DYNLT1: variants seen among roughly 807,000 people sequenced by gnomAD.
DYNLT1 encodes the protein dynein light chain Tctex-type 1, also known as T-complex testis-specific protein 1 homolog.
In DYNLT1, 18 loss-of-function variants were observed where a neutral mutation model predicts 19.6. The ratio of observed to expected loss-of-function variants is 0.92; its 90% CI spans 0.64 to 1.36. The LOEUF (loss-of-function observed/expected upper bound fraction) is 1.36. Among genes scored for constraint, DYNLT1 ranks in the 40% most tolerant of loss-of-function variants. DYNLT1 has a pLI of 0.00. For missense variants in DYNLT1, 137 were observed against 139.3 expected (o/e 0.98, Z 0.08); for synonymous variants, 56 against 44.0 (o/e 1.27, Z -1.07).
At chr6:158,644,061 A>C (rs1787249625) in intron 1 of DYNLT1, among the ~76,000 whole-genome samples, 1 of 137,052 alleles carries the variant, frequency 7.3e-6, no homozygotes, top group African/African-American at 2.5e-5. Context: ...GAGGCATAAA[A>C]GATGATTTTT....
In DYNLT1 at chr6:158,636,907, G is replaced by T; in HGVS notation, c.272-10C>A. On this transcript the variant is annotated splice_polypyrimidine_tract_variant and intron_variant, in intron 4 of 4. Coordinates refer to ENST00000367089, the MANE Select transcript of DYNLT1 (RefSeq NM_006519.4). ...CGCACAGTGCAGCTCCCTGCGGGAG[G>T]GAAGAGAGCAGCATTTACGGCAGGG... The T allele has an allele frequency of 6.2e-7, 1 of 1,613,232 alleles. No individual in the cohort carries two copies. Among genetic ancestry groups the T allele is most frequent in the South Asian group, 1.1e-5 (1 of 90,824 alleles).
At chr6:158,641,214 AAC>A (rs773274398) in intron 2 of DYNLT1, 103 bp downstream of exon 2, 15 of 1,072,088 alleles carry the variant, frequency 1.4e-5, no homozygotes, top group East Asian at 8.6e-5. Context: ...GAAACACCAA[AAC>A]ACACAGACTC....
intron 3 of DYNLT1, chr6:158,637,414 C>A: frequency 1.6e-6 from 1 of 622,290 alleles, no homozygotes; most frequent in South Asian, 2.1e-5. Context: ...CATAAATCAA[C>A]AATATATGAA....
chr6:158,637,790 T>C lies in DYNLT1; in HGVS notation c.174A>G (p.Gly58=). The change falls in exon 3 of 5, where the codon GGA becomes GGG. Residue 58 remains glycine (G), a synonymous_variant. Coordinates refer to ENST00000367089, the MANE Select transcript of DYNLT1 (RefSeq NM_006519.4). ...EQTLSQLTKL[G]KPFKYIVTCV... Reference sequence around the variant, plus strand: ...CATTACCGATGTATTTAAATGGTTTTCCCAGCTTGGTGAGTTGGCTTAAAG... The same window carrying C: ...CATTACCGATGTATTTAAATGGTTTCCCCAGCTTGGTGAGTTGGCTTAAAG... 3.1e-6 allele frequency: 5 copies of C among 1,614,150 alleles called. No homozygotes were observed. Among genetic ancestry groups the C allele is most frequent in the Non-Finnish European group, 4.2e-6 (5 of 1,180,044 alleles).
intron 4 of DYNLT1, 87 bp from the exon 5 acceptor site, chr6:158,636,984 A>ATCT (rs1787016991): frequency 6.5e-7 from 1 of 1,544,338 alleles, no homozygotes. Context: ...TCAAGTACCC[A>ATCT]TCTCTATGCT....
At position 158,641,321 on chromosome 6, in the gene DYNLT1, C is replaced by T; in HGVS notation, c.67G>A (p.Glu23Lys). The change falls in exon 2 of 5, where the codon GAG (glutamate) becomes AAG (lysine). Residue 23 changes from glutamate (E) to lysine (K), a missense_variant and splice_region_variant. Physicochemically the swap from Glu to Lys is moderately conservative, Grantham distance 56. Transcript: ENST00000367089. Reference protein sequence around the residue: ...VVDEVSNIVKEAIESAIGGNA... With the variant: ...VVDEVSNIVKKAIESAIGGNA... The stretch of plus-strand genomic sequence containing the variant: ...GAAGTGAGCATTTCTCCTCTTACCT[C>T]TTTTACAATGTTGCTCACTTCATCA... The T allele has an allele frequency of 1.3e-6, 2 of 1,594,214 alleles. No individual in the cohort carries two copies. The highest frequency in any genetic ancestry group is 1.7e-6 in the Non-Finnish European group (2 of 1,173,516).
intron 2 of DYNLT1, among the ~76,000 whole-genome samples, chr6:158,638,495 G>C (rs1787070077): frequency 6.6e-6 from 1 of 151,966 alleles, no homozygotes; most frequent in South Asian, 2.1e-4. Flanking sequence ...TGGAATCTTG[G>C]CTCACTGCAG....
chr6:158,636,714 T>G lies in DYNLT1; in HGVS notation c.*113A>C. 12 of 1,286,728 alleles carry G rather than the reference T, an allele frequency of 9.3e-6. No homozygotes were observed. The highest frequency in any genetic ancestry group is 1.3e-5 in the Non-Finnish European group (12 of 928,892). The allele number at this position is 1,286,728 out of a possible 1,614,324, so 79.7% of individuals were successfully genotyped here. The stretch of plus-strand genomic sequence containing the variant: ...GGTCATTTGGTTTTTTCCTCTACAT[T>G]GTGAAAGTGCCACAAAACAAAGAGA... On this transcript the variant is annotated 3_prime_UTR_variant, in exon 5 of 5. Coordinates refer to ENST00000367089, the MANE Select transcript of DYNLT1 (RefSeq NM_006519.4).
intron 1 of DYNLT1, chr6:158,641,594 C>T (rs1413045252): frequency 3.0e-5 from 9 of 300,000 alleles, no homozygotes; most frequent in East Asian, 1.7e-4. Context: ...ATTTTTGAGA[C>T]GGAGTGTCGC....
chr6:158,641,531 A>C (rs1246455497), intron 1 of DYNLT1, 171 bp from the exon 2 acceptor site: 2 of 461,096 alleles, frequency 4.3e-6, no homozygotes, highest in Non-Finnish European at 7.7e-6. Context: ...AGAAACCAGA[A>C]GACTAGAATA....
intron 1 of DYNLT1, chr6:158,642,907 C>T (rs1787167922): frequency 6.6e-6 from 1 of 151,294 alleles, no homozygotes; most frequent in South Asian, 2.1e-4. Flanking sequence ...TTACAAAGGC[C>T]CAGGCATCTA....
Position 158,636,580 on chromosome 6 carries a change from T to G in DYNLT1, c.*247A>C. On this transcript the variant is annotated 3_prime_UTR_variant, in exon 5 of 5. Coordinates refer to ENST00000367089, the MANE Select transcript of DYNLT1 (RefSeq NM_006519.4). ...AGTTTCACACTAGCAGATTTCAGAT[T>G]TTAGCACCTTTGAAATGAAATATTC... 1 of 449,442 alleles carries G rather than the reference T, an allele frequency of 2.2e-6. No homozygotes were observed. The highest frequency in any genetic ancestry group is 4.1e-6 in the Non-Finnish European group (1 of 246,636). 27.8% of individuals were successfully genotyped at this position (449,442 alleles called of 1,614,324 possible).
chr6:158,637,940 C>CA, intron 2 of DYNLT1, 46 bp from the exon 3 acceptor site: 1 of 1,592,662 alleles, frequency 6.3e-7, no homozygotes. Flanking sequence ...CAAATGCACC[C>CA]ACACCACCTT....
At chr6:158,644,582 T>C in intron 1 of DYNLT1, 100 bp downstream of exon 1, 1 of 1,449,796 alleles carries the variant, frequency 6.9e-7, no homozygotes, top group Non-Finnish European at 9.5e-7. Context: ...CTGGCCTAGC[T>C]GAAGGAGGTG....
At position 158,637,864 on chromosome 6, in the gene DYNLT1, A is replaced by G. The variant is rs1177409782; in HGVS notation, c.100T>C (p.Tyr34His). ...CACTGGTTCACTTTGCTGTGTTGATAAGCGTTACCACCAATTGCGCTTTCT... is the reference window on the plus strand; with the variant it reads ...CACTGGTTCACTTTGCTGTGTTGATGAGCGTTACCACCAATTGCGCTTTCT... ...AIESAIGGNA[Y>H]QHSKVNQWTT... is the part of the protein sequence containing the mutation. The change falls in exon 3 of 5, where the codon TAT becomes CAT. Residue 34 changes from tyrosine (Y) to histidine (H), a missense_variant. Transcript: ENST00000367089. The G allele has an allele frequency of 1.2e-6, 2 of 1,606,674 alleles. No individual in the cohort carries two copies. Among genetic ancestry groups the G allele is most frequent in the East Asian group, 2.2e-5 (1 of 44,894 alleles).
chr6:158,641,219 A>G (rs1287104972), intron 2 of DYNLT1, 100 bp downstream of exon 2: 6 of 1,130,458 alleles, frequency 5.3e-6, no homozygotes, highest in Non-Finnish European at 7.4e-6. Flanking sequence ...ACCAAAACAC[A>G]CAGACTCAGT....
At position 158,637,866 on chromosome 6, in the gene DYNLT1, G is replaced by C. The variant is rs759596343; in HGVS notation, c.98C>G (p.Ala33Gly). ...CTGGTTCACTTTGCTGTGTTGATAA[G>C]CGTTACCACCAATTGCGCTTTCTAT... is the stretch of plus-strand genomic sequence containing the variant. ...EAIESAIGGNAYQHSKVNQWT... is the reference protein window; with the variant it reads ...EAIESAIGGNGYQHSKVNQWT... The change falls in exon 3 of 5, where the codon GCT becomes GGT. Residue 33 changes from alanine (A) to glycine (G), a missense_variant. Coordinates refer to ENST00000367089, the MANE Select transcript of DYNLT1 (RefSeq NM_006519.4). 5 of 1,606,276 alleles carry C rather than the reference G, an allele frequency of 3.1e-6. No homozygotes were observed. Among genetic ancestry groups the C allele is most frequent in the Non-Finnish European group, 1.7e-6 (2 of 1,180,010 alleles).
chr6:158,636,990 A>C (rs749999392), intron 4 of DYNLT1, 93 bp from the exon 5 acceptor site: 3 of 1,540,606 alleles, frequency 1.9e-6, no homozygotes, highest in East Asian at 2.3e-5. Flanking sequence ...ACCCATCTCT[A>C]TGCTACACAA....
At chr6:158,643,903 A>T (rs757883034) in intron 1 of DYNLT1, among the ~76,000 whole-genome samples, 19 of 152,136 alleles carry the variant, frequency 1.2e-4, no homozygotes, top group Non-Finnish European at 4.4e-5. Context: ...TTATTCAGTA[A>T]GAAGAAAATG....
Sources: gnomAD v4.1 joint callset for allele counts (sites outside exome capture counted in the v4.1 genomes callset) on GRCh38, gnomAD v4.1.1 for gene constraint, MANE v1.5 for transcripts, NCBI Gene and HGNC (gene_info 2026-07-23, HGNC 2026-07-21) for gene names.